The following SIL1 variants were observed in gnomAD, a reference collection of about 807,000 sequenced individuals.
SIL1 encodes the protein SIL1 nucleotide exchange factor.
A neutral mutation model predicts 49.1 loss-of-function variants in SIL1; 40 were observed. The ratio of observed to expected loss-of-function variants is 0.81; its 90% CI spans 0.63 to 1.06. SIL1 has a LOEUF of 1.06. Ranked by LOEUF, SIL1 falls within the 50% of genes least tolerant of loss-of-function variation. The pLI is 0.00. For synonymous variants in SIL1, 253 were observed against 250.8 expected, an observed-to-expected ratio of 1.01 and a Z score of -0.08; for missense variants, 500 against 572.6, an observed-to-expected ratio of 0.87 and a Z score of 1.29.
intron 1 of SIL1, among the ~76,000 whole-genome samples, chr5:139,141,856 C>T (rs1751086107): frequency 6.6e-6 from 1 of 152,184 alleles, no homozygotes; most frequent in Non-Finnish European, 1.5e-5. Flanking sequence ...CTTTAAAATA[C>T]ATTATTTTCA....
chr5:139,095,164 T>G (rs1458260352), intron 3 of SIL1, among the ~76,000 whole-genome samples: 1 of 152,130 alleles, frequency 6.6e-6, no homozygotes, highest in Non-Finnish European at 1.5e-5. Flanking sequence ...TTTTCCAAAA[T>G]GTGTTCTTTA....
At chr5:139,024,550 C>T (rs1472661296) in intron 6 of SIL1, among the ~76,000 whole-genome samples, 1 of 152,246 alleles carries the variant, frequency 6.6e-6, no homozygotes, top group Non-Finnish European at 1.5e-5. Flanking sequence ...AACAAGGGCA[C>T]TGTCGTGCAT....
intron 5 of SIL1, among the ~76,000 whole-genome samples, chr5:139,041,822 A>C (rs145726180): frequency 0.071 from 10,705 of 151,558 alleles, 495 homozygotes; most frequent in Non-Finnish European, 0.099. Flanking sequence ...CAAAAACAAA[A>C]AAAAAAAAAA....
At chr5:139,114,986 A>C (rs1292905898) in intron 3 of SIL1, among the ~76,000 whole-genome samples, 1 of 152,198 alleles carries the variant, frequency 6.6e-6, no homozygotes, top group African/African-American at 2.4e-5. Flanking sequence ...TTAGGCATGA[A>C]GTGTCCTGAA....
chr5:139,090,091 C>T (rs1450909493), intron 3 of SIL1, among the ~76,000 whole-genome samples: 1 of 152,046 alleles, frequency 6.6e-6, no homozygotes, highest in East Asian at 1.9e-4. Context: ...CCTCCTTACC[C>T]GCCATTCACT....
chr5:139,085,101 A>G (rs1770186122), intron 3 of SIL1, among the ~76,000 whole-genome samples: 1 of 152,206 alleles, frequency 6.6e-6, no homozygotes, highest in Non-Finnish European at 1.5e-5. Flanking sequence ...TTTAACAGGT[A>G]AAAATGATAC....
intron 1 of SIL1, among the ~76,000 whole-genome samples, chr5:139,155,023 AT>A (rs1751380504): frequency 6.6e-6 from 1 of 152,238 alleles, no homozygotes; most frequent in Non-Finnish European, 1.5e-5. Flanking sequence ...GATAAAATGT[AT>A]TTACAGTACC....
At chr5:139,176,041 G>GCTAGAGT (rs1418448681) in intron 1 of SIL1, among the ~76,000 whole-genome samples, 1 of 152,018 alleles carries the variant, frequency 6.6e-6, no homozygotes, top group Non-Finnish European at 1.5e-5. Context: ...TGTGGCCCAG[G>GCTAGAGT]CTAGAGTGCA....
In SIL1 at chr5:139,000,618, G is replaced by A. The variant is rs149980400; in HGVS notation, c.767+20553C>T. On this transcript the variant is annotated intron_variant, in intron 7 of 9. Coordinates refer to ENST00000394817, the MANE Select transcript of SIL1 (RefSeq NM_022464.5). ...AAAATAAATATTAAAATAAAAACCC[G>A]TCAAAACTTTATACTCTCAGAAGAT... 8.9e-4 allele frequency among the ~76,000 whole-genome samples: 136 copies of A among 151,966 alleles called. 1 individual carries two copies. Among genetic ancestry groups the A allele is most frequent in the African/African-American group, 2.4e-3 (100 of 41,452 alleles).
At chr5:139,112,473 G>A (rs1770877679) in intron 3 of SIL1, among the ~76,000 whole-genome samples, 1 of 151,690 alleles carries the variant, frequency 6.6e-6, no homozygotes, top group South Asian at 2.1e-4. Flanking sequence ...TCTGGGATGT[G>A]AGGAGCGCCT....
At chr5:139,135,617 C>G (rs988875594) in intron 1 of SIL1, among the ~76,000 whole-genome samples, 5 of 151,154 alleles carry the variant, frequency 3.3e-5, no homozygotes, top group African/African-American at 9.7e-5. Context: ...CTAGCCCTTT[C>G]TCTGTACTCC....
chr5:139,143,483 G>A (rs1751134141), intron 1 of SIL1, among the ~76,000 whole-genome samples: 1 of 151,702 alleles, frequency 6.6e-6, no homozygotes, highest in African/African-American at 2.4e-5. Flanking sequence ...CGATTCTCAT[G>A]CCTCAGCCTC....
At chr5:139,162,737 A>G (rs768966614) in intron 1 of SIL1, among the ~76,000 whole-genome samples, 29 of 152,210 alleles carry the variant, frequency 1.9e-4, no homozygotes, top group Non-Finnish European at 3.2e-4. Context: ...ACTATATGCC[A>G]GGTACCTTTC....
chr5:139,073,219 A>G (rs1394785752), intron 3 of SIL1, among the ~76,000 whole-genome samples: 1 of 152,234 alleles, frequency 6.6e-6, no homozygotes, highest in African/African-American at 2.4e-5. Flanking sequence ...AACCATAGGA[A>G]ATAAAATCAG....
At chr5:139,122,130 T>G (rs1286323715) in intron 2 of SIL1, among the ~76,000 whole-genome samples, 1 of 152,116 alleles carries the variant, frequency 6.6e-6, no homozygotes, top group African/African-American at 2.4e-5. Flanking sequence ...TTTCTCTGCT[T>G]CCCAATCCCT....
intron 3 of SIL1, 68 bp downstream of exon 3, chr5:139,120,967 T>C: frequency 1.3e-6 from 2 of 1,599,546 alleles, no homozygotes; most frequent in Admixed American, 3.3e-5. Context: ...AGCAGCCCTC[T>C]GGGGACAAAG....
At chr5:139,053,490 C>G (rs569429863) in intron 3 of SIL1, among the ~76,000 whole-genome samples, 6 of 152,282 alleles carry the variant, frequency 3.9e-5, no homozygotes, top group African/African-American at 7.2e-5. Context: ...AAATACCAAA[C>G]CTATGTCATT....
rs143987111 is a variant in SIL1, at chr5:138,973,135, A to C, written c.768-21251T>G. The stretch of plus-strand genomic sequence containing the variant: ...AATTAAAGGTTATCCTTATACAATT[A>C]AAGGTTGTGTAACATATGTAACAAA... On this transcript the variant is annotated intron_variant, in intron 7 of 9. Coordinates refer to ENST00000394817, the MANE Select transcript of SIL1 (RefSeq NM_022464.5). Among the ~76,000 whole-genome samples the C allele has an allele frequency of 3.3e-3, 508 of 152,062 alleles. 3 individuals are homozygous for C. Among genetic ancestry groups the C allele is most frequent in the Admixed American group, 5.9e-3 (90 of 15,268 alleles).
intron 5 of SIL1, among the ~76,000 whole-genome samples, chr5:139,033,554 T>C (rs1768839570): frequency 6.6e-6 from 1 of 152,030 alleles, no homozygotes; most frequent in African/African-American, 2.4e-5. Flanking sequence ...AAGTGCATTT[T>C]CATTTTTAAT....
Sources: allele counts gnomAD v4.1 joint callset (sites outside exome capture counted in the v4.1 genomes callset), GRCh38; gene constraint gnomAD v4.1.1; transcripts MANE v1.5; gene names NCBI Gene and HGNC (gene_info 2026-07-23, HGNC 2026-07-21).